The following SDK1 variants were observed in gnomAD, a reference collection of about 807,000 sequenced individuals.
The protein encoded by SDK1 is sidekick cell adhesion molecule 1.
A neutral mutation model predicts 245.5 loss-of-function variants in SDK1; 157 were observed. The observed-to-expected ratio is 0.64, with a 90% CI of 0.56 to 0.73. SDK1 has a LOEUF of 0.73. Ranked by LOEUF, SDK1 falls within the 30% of genes least tolerant of loss-of-function variation. The pLI, the probability that SDK1 is intolerant of heterozygous loss-of-function variation, is 0.00. For missense variants in SDK1, 3,583 were observed against 3,002.3 expected (o/e 1.19, Z -4.52); for synonymous variants, 1,647 against 1,278.5 (o/e 1.29, Z -6.15).
chr7:3,762,925 C>A (rs942602362), intron 4 of SDK1, among the ~76,000 whole-genome samples: 1 of 152,138 alleles, frequency 6.6e-6, no homozygotes, highest in South Asian at 2.1e-4. Flanking sequence ...CACAAGTCTA[C>A]AACATAACTG....
chr7:3,326,929 G>A (rs887404237), intron 1 of SDK1, among the ~76,000 whole-genome samples: 3 of 151,222 alleles, frequency 2.0e-5, no homozygotes, highest in Admixed American at 2.0e-4. Flanking sequence ...GGTACAAAGT[G>A]GTTATAAACT....
chr7:3,625,991 T>C (rs1782105595), intron 2 of SDK1, among the ~76,000 whole-genome samples: 1 of 147,652 alleles, frequency 6.8e-6, no homozygotes, highest in African/African-American at 2.5e-5. Flanking sequence ...TCACCCAGGC[T>C]GGACTGTAGT....
At chr7:3,541,617 T>C (rs1274364148) in intron 1 of SDK1, among the ~76,000 whole-genome samples, 1 of 152,224 alleles carries the variant, frequency 6.6e-6, no homozygotes, top group African/African-American at 2.4e-5. Context: ...ACTTATCAAA[T>C]AATATATTTG....
intron 3 of SDK1, among the ~76,000 whole-genome samples, chr7:3,639,701 G>A (rs1489953576): frequency 1.3e-5 from 2 of 152,054 alleles, no homozygotes; most frequent in Non-Finnish European, 2.9e-5. Context: ...ACAGGAGAGC[G>A]AACTTGGCCT....
At chr7:3,687,054 AAAACACACACAC>A (rs1784304631) in intron 4 of SDK1, among the ~76,000 whole-genome samples, 1 of 79,808 alleles carries the variant, frequency 1.3e-5, no homozygotes, top group South Asian at 4.9e-4. Context: ...GGATAGCATC[AAAACACACACAC>A]ACACACACAC....
intron 1 of SDK1, among the ~76,000 whole-genome samples, chr7:3,612,507 T>C (rs1781625016): frequency 6.6e-6 from 1 of 152,196 alleles, no homozygotes; most frequent in Non-Finnish European, 1.5e-5. Context: ...ATGACTACAC[T>C]TACCAGAAAA....
intron 1 of SDK1, among the ~76,000 whole-genome samples, chr7:3,573,287 A>G (rs1780174732): frequency 6.6e-6 from 1 of 152,162 alleles, no homozygotes. Flanking sequence ...AGGGACTGAC[A>G]GTATGGCCTG....
chr7:4,210,968 C>G (rs1016349702), intron 38 of SDK1, among the ~76,000 whole-genome samples: 2 of 152,288 alleles, frequency 1.3e-5, no homozygotes, highest in South Asian at 4.2e-4. Context: ...AGGGAGGATC[C>G]GCCAATCTAG....
intron 1 of SDK1, among the ~76,000 whole-genome samples, chr7:3,393,294 G>A (rs1191412755): frequency 1.3e-5 from 2 of 152,076 alleles, no homozygotes; most frequent in South Asian, 2.1e-4. Context: ...TCTTTTGGAT[G>A]TATACCCAGG....
At chr7:3,437,893 A>T (rs936539584) in intron 1 of SDK1, among the ~76,000 whole-genome samples, 7 of 152,224 alleles carry the variant, frequency 4.6e-5, no homozygotes, top group African/African-American at 1.7e-4. Flanking sequence ...CGTAGTTGAC[A>T]TCTCTGAAAG....
In SDK1 at chr7:3,523,169, T is replaced by C. The variant is rs78951554; in HGVS notation, c.299-95911T>C. 2.6e-4 allele frequency among the ~76,000 whole-genome samples: 39 copies of C among 152,346 alleles called. No homozygotes were observed. The East Asian group carries it at 7.5e-3, about 29-fold the overall frequency. On this transcript the variant is annotated intron_variant, in intron 1 of 44. Transcript: ENST00000404826. ...CAAAGCTTGAAGGAGCAAAATCTCA[T>C]GATAAACACTATATGCAATTGACCT... is the stretch of plus-strand genomic sequence containing the variant.
chr7:3,425,839 G>C (rs7777852), intron 1 of SDK1, among the ~76,000 whole-genome samples: 4,484 of 152,224 alleles, frequency 0.029, 242 homozygotes, highest in African/African-American at 0.1. Context: ...ACTTCCTTAG[G>C]AGACTTTCCC....
intron 44 of SDK1, among the ~76,000 whole-genome samples, chr7:4,251,396 C>T (rs1787283713): frequency 6.6e-6 from 1 of 152,220 alleles, no homozygotes; most frequent in South Asian, 2.1e-4. Context: ...TTCTAAGAGT[C>T]TTCTCCTATA....
intron 5 of SDK1, among the ~76,000 whole-genome samples, chr7:3,876,053 ATCCACCGCTCT>A (rs1781069259): frequency 6.6e-6 from 1 of 152,090 alleles, no homozygotes; most frequent in Non-Finnish European, 1.5e-5. Context: ...TGTCATTCCA[ATCCACCGCTCT>A]TCCACTGCAG....
intron 4 of SDK1, among the ~76,000 whole-genome samples, chr7:3,686,681 T>C (rs1306552145): frequency 2.6e-5 from 4 of 152,190 alleles, no homozygotes; most frequent in South Asian, 2.1e-4. Context: ...AGAAAGAAGC[T>C]ACGACTCTGT....
chr7:3,809,246 G>T (rs1466960061), intron 4 of SDK1, among the ~76,000 whole-genome samples: 1 of 152,092 alleles, frequency 6.6e-6, no homozygotes, highest in Non-Finnish European at 1.5e-5. Flanking sequence ...TAAACAGCCA[G>T]ATCTCACAAG....
chr7:3,460,682 T>G (rs1009748345), intron 1 of SDK1, among the ~76,000 whole-genome samples: 1 of 152,190 alleles, frequency 6.6e-6, no homozygotes, highest in African/African-American at 2.4e-5. Flanking sequence ...AGAAATAGTT[T>G]TGTGTGTGGT....
In SDK1 at chr7:3,566,520, C is replaced by T. The variant is rs142404620; in HGVS notation, c.299-52560C>T. ...GATTACAGGCGTGAGCCACCACGCC[C>T]GGCCGATAAACTTCTTAAAAACATA... On this transcript the variant is annotated intron_variant, in intron 1 of 44. Coordinates refer to ENST00000404826, the MANE Select transcript of SDK1 (RefSeq NM_152744.4). Among the ~76,000 whole-genome samples, 994 of 152,038 alleles carry T rather than the reference C, an allele frequency of 6.5e-3. 15 individuals are homozygous for T. The highest frequency in any genetic ancestry group is 0.023 in the African/African-American group (967 of 41,462).
chr7:3,918,335 C>T (rs1207619173), intron 5 of SDK1, among the ~76,000 whole-genome samples: 2 of 152,244 alleles, frequency 1.3e-5, no homozygotes, highest in African/African-American at 4.8e-5. Flanking sequence ...GCTCCCATCG[C>T]TGGCATTACC....
Sources: gnomAD v4.1 joint callset for allele counts (sites outside exome capture counted in the v4.1 genomes callset) on GRCh38, gnomAD v4.1.1 for gene constraint, MANE v1.5 for transcripts, NCBI Gene and HGNC (gene_info 2026-07-23, HGNC 2026-07-21) for gene names.